ZFHX3: variants seen among roughly 807,000 people sequenced by gnomAD.
The protein encoded by ZFHX3 is zinc finger homeobox protein 3.
In ZFHX3, 42 loss-of-function variants were observed where a neutral mutation model predicts 279.1. The observed-to-expected ratio is 0.15, with a 90% CI of 0.12 to 0.19. The LOEUF is 0.19. Among genes scored for constraint, ZFHX3 ranks in the 10% least tolerant of loss-of-function variants. The pLI is 1.00. For missense variants in ZFHX3, 4,981 were observed against 4,754.0 expected, an observed-to-expected ratio of 1.05 and a Z score of -1.40; for synonymous variants, 2,293 against 1,957.8, an observed-to-expected ratio of 1.17 and a Z score of -4.52.
At chr16:73,566,577 CTG>C (rs1259920879) in intron 2 of ZFHX3, among the ~76,000 whole-genome samples, 1 of 152,048 alleles carries the variant, frequency 6.6e-6, no homozygotes, top group Non-Finnish European at 1.5e-5. Context: ...CCCAGTGTCT[CTG>C]TGTGTCACAC....
At chr16:73,325,928 A>ACACACACAAAAACACACAC (rs1567451240) in intron 3 of ZFHX3, among the ~76,000 whole-genome samples, 2 of 145,492 alleles carry the variant, frequency 1.4e-5, no homozygotes, top group South Asian at 2.2e-4. Flanking sequence ...CACACACACA[A>ACACACACAAAAACACACAC]ACACACACAC....
intron 1 of ZFHX3, among the ~76,000 whole-genome samples, chr16:73,832,318 A>C (rs530309883): frequency 6.6e-6 from 1 of 152,270 alleles, no homozygotes; most frequent in South Asian, 2.1e-4. Context: ...CACATCCTGA[A>C]AAGTTCCAGC....
chr16:72,961,164 C>T (rs946291623), intron 1 of ZFHX3, among the ~76,000 whole-genome samples: 3 of 152,168 alleles, frequency 2.0e-5, no homozygotes, highest in African/African-American at 7.2e-5. Context: ...TCCCCACGTG[C>T]CTGGTGGTTT....
intron 7 of ZFHX3, among the ~76,000 whole-genome samples, chr16:73,115,987 A>G (rs1048804991): frequency 2.0e-5 from 3 of 151,992 alleles, no homozygotes; most frequent in Non-Finnish European, 4.4e-5. Context: ...GGGCGTGGTG[A>G]TGCATGCCTG....
intron 5 of ZFHX3, among the ~76,000 whole-genome samples, chr16:73,211,627 G>A (rs1017925438): frequency 6.6e-6 from 1 of 151,664 alleles, no homozygotes; most frequent in African/African-American, 2.4e-5. Flanking sequence ...TGCAGGAACT[G>A]GCAAAATTCC....
chr16:73,589,279 A>G (rs1315661521), intron 2 of ZFHX3, among the ~76,000 whole-genome samples: 2 of 146,676 alleles, frequency 1.4e-5, no homozygotes, highest in Non-Finnish European at 3.0e-5. Context: ...AAAAAAAAAA[A>G]AAAAAAAAAA....
At chr16:73,556,416 A>G (rs1401131568) in intron 2 of ZFHX3, among the ~76,000 whole-genome samples, 1 of 152,160 alleles carries the variant, frequency 6.6e-6, no homozygotes, top group East Asian at 1.9e-4. Context: ...CAAAATACAA[A>G]TTATCTCCAA....
At chr16:73,796,627 A>C (rs1567413473) in intron 1 of ZFHX3, 1 of 152,254 alleles carries the variant, frequency 6.6e-6, no homozygotes, top group Admixed American at 6.5e-5. Context: ...TTGCCTCCAC[A>C]TATCGCAGTA....
chr16:73,156,237 A>G (rs1050931472), intron 5 of ZFHX3, among the ~76,000 whole-genome samples: 9 of 151,260 alleles, frequency 6.0e-5, no homozygotes, highest in African/African-American at 2.2e-4. Context: ...CTCTCAAAAA[A>G]AAAAAAAAAA....
intron 4 of ZFHX3, among the ~76,000 whole-genome samples, chr16:72,883,735 A>T (rs2038553767): frequency 1.3e-5 from 2 of 152,208 alleles, no homozygotes; most frequent in South Asian, 4.1e-4. Context: ...AATGTCCTTT[A>T]GACAGATAAA....
chr16:73,132,416 A>C (rs1475065607), intron 6 of ZFHX3, among the ~76,000 whole-genome samples: 1 of 152,182 alleles, frequency 6.6e-6, no homozygotes, highest in East Asian at 1.9e-4. Flanking sequence ...CAATTCAAGA[A>C]GAGGGAAGGA....
intron 7 of ZFHX3, among the ~76,000 whole-genome samples, chr16:73,109,159 T>C (rs932484834): frequency 3.9e-5 from 6 of 152,204 alleles, no homozygotes; most frequent in African/African-American, 1.4e-4. Flanking sequence ...GTTTCACGTG[T>C]ATTTTTCCAG....
At chr16:73,116,917 T>C (rs1966439012) in intron 7 of ZFHX3, among the ~76,000 whole-genome samples, 1 of 152,238 alleles carries the variant, frequency 6.6e-6, no homozygotes, top group Non-Finnish European at 1.5e-5. Context: ...CGGCTTGTTC[T>C]GGTGAACATT....
At chr16:73,134,224 C>A (rs60753786) in intron 6 of ZFHX3, among the ~76,000 whole-genome samples, 1 of 151,364 alleles carries the variant, frequency 6.6e-6, no homozygotes, top group Non-Finnish European at 1.5e-5. Context: ...CCACTCACAA[C>A]TCAGATGACC....
intron 4 of ZFHX3, among the ~76,000 whole-genome samples, chr16:73,293,486 T>A (rs1024983141): frequency 6.6e-6 from 1 of 152,238 alleles, no homozygotes; most frequent in Admixed American, 6.5e-5. Flanking sequence ...GTAATGTCCC[T>A]GTAGTTTAAT....
chr16:73,063,612 C>T (rs1407484304), upstream of ZFHX3, among the ~76,000 whole-genome samples: 3 of 152,048 alleles, frequency 2.0e-5, no homozygotes, highest in Non-Finnish European at 4.4e-5. Flanking sequence ...AAATCACCCC[C>T]CCTCCCCGTT....
At chr16:73,713,125 C>T (rs1008041893) in intron 1 of ZFHX3, among the ~76,000 whole-genome samples, 2 of 152,092 alleles carry the variant, frequency 1.3e-5, no homozygotes, top group Non-Finnish European at 2.9e-5. Flanking sequence ...AATAAAATCC[C>T]CAATCGTTTA....
chr16:73,694,824 G>C (rs1000629821), intron 1 of ZFHX3, among the ~76,000 whole-genome samples: 1 of 152,162 alleles, frequency 6.6e-6, no homozygotes, highest in Non-Finnish European at 1.5e-5. Context: ...GGTAACGAAT[G>C]CTGGAAGCTC....
At chr16:73,177,824 T>C (rs1373344354) in intron 5 of ZFHX3, among the ~76,000 whole-genome samples, 2 of 152,218 alleles carry the variant, frequency 1.3e-5, no homozygotes, top group African/African-American at 2.4e-5. Context: ...GACAGACATA[T>C]GAGCTCACTT....
Sources: gnomAD v4.1 joint callset for allele counts (sites outside exome capture counted in the v4.1 genomes callset) on GRCh38, gnomAD v4.1.1 for gene constraint, MANE v1.5 for transcripts, NCBI Gene and HGNC (gene_info 2026-07-23, HGNC 2026-07-21) for gene names.